TG: variants seen among roughly 807,000 people sequenced by gnomAD.
The protein encoded by TG is thyroglobulin.
Under a neutral mutation model 324.7 loss-of-function variants are expected in TG, and 270 were observed. The observed-to-expected ratio is 0.83, with a 90% CI of 0.75 to 0.92. TG has a LOEUF of 0.92. Ranked by LOEUF, TG falls within the 40% of genes least tolerant of loss-of-function variation. The pLI, the probability that TG is intolerant of heterozygous loss-of-function variation, is 0.00. For synonymous variants in TG, 1,401 were observed against 1,327.0 expected (o/e 1.06, Z -1.21); for missense variants, 3,591 against 3,456.4 (o/e 1.04, Z -0.98).
chr8:133,012,336 C>G (rs1237127221), intron 36 of TG, among the ~76,000 whole-genome samples: 1 of 152,186 alleles, frequency 6.6e-6, no homozygotes, highest in Non-Finnish European at 1.5e-5. Flanking sequence ...CGTGGCAGCT[C>G]TGGCAGCTGA....
At chr8:133,098,068 T>C (rs1488075331) in intron 43 of TG, among the ~76,000 whole-genome samples, 1 of 152,140 alleles carries the variant, frequency 6.6e-6, no homozygotes, top group Admixed American at 6.6e-5. Context: ...TTTCAACATT[T>C]TTTCTGCCAA....
At chr8:133,116,586 C>A in intron 44 of TG, 23 bp from the exon 45 acceptor site, 1 of 1,599,324 alleles carries the variant, frequency 6.3e-7, no homozygotes, top group Non-Finnish European at 8.6e-7. Context: ...AACCAGACTC[C>A]CCCCATGTTC....
chr8:132,999,228 G>A (rs1833201368), intron 35 of TG, among the ~76,000 whole-genome samples: 1 of 152,162 alleles, frequency 6.6e-6, no homozygotes, highest in Admixed American at 6.5e-5. Flanking sequence ...CCAAGATGGT[G>A]CAGAGAGGAC....
chr8:132,904,624 A>G (rs962154690), intron 16 of TG, among the ~76,000 whole-genome samples: 6 of 152,164 alleles, frequency 3.9e-5, no homozygotes, highest in African/African-American at 1.4e-4. Context: ...TAGGGAAGGT[A>G]GGTGCCCTGG....
At position 132,929,812 on chromosome 8, in the gene TG, A is replaced by G. The variant is rs550968553; in HGVS notation, c.4816+620A>G. Reference sequence around the variant, plus strand: ...ATCCATGTAACTCAAAACCACTTGCATCCTAAAAGCTATTGAAATAAAAAA... The same window carrying G: ...ATCCATGTAACTCAAAACCACTTGCGTCCTAAAAGCTATTGAAATAAAAAA... On this transcript the variant is annotated intron_variant, in intron 23 of 47. Coordinates refer to ENST00000220616, the MANE Select transcript of TG (RefSeq NM_003235.5). 1.2e-4 allele frequency among the ~76,000 whole-genome samples: 19 copies of G among 152,348 alleles called. No individual in the cohort carries two copies. In the Middle Eastern group the frequency reaches 0.01, roughly 82 times the overall value.
At position 133,040,067 on chromosome 8, in the gene TG, G is replaced by A. The variant is rs765056069; in HGVS notation, c.7239+10044G>A. On this transcript the variant is annotated intron_variant, in intron 41 of 47. Transcript: ENST00000220616. ...AGGTGAGCTGGAGGCCCTCACTGCT[G>A]GGGCAGCCGTGCTTTGTGTCAGGCA... The A allele has an allele frequency of 2.4e-5, 37 of 1,556,246 alleles. 1 individual carries two copies. In the South Asian group the frequency reaches 4.0e-4, roughly 17 times the overall value.
At chr8:133,047,764 A>T in intron 41 of TG, 1 of 889,060 alleles carries the variant, frequency 1.1e-6, no homozygotes, top group Non-Finnish European at 1.9e-6. Flanking sequence ...CCGTGTAATG[A>T]GTCAGCCAGG....
chr8:132,956,945 GT>G (rs2130254368), intron 27 of TG, among the ~76,000 whole-genome samples: 1 of 152,266 alleles, frequency 6.6e-6, no homozygotes, highest in Non-Finnish European at 1.5e-5. Flanking sequence ...TGGAGAAGGA[GT>G]CAAGGACGAC....
chr8:133,062,739 G>A (rs895036632), intron 41 of TG, among the ~76,000 whole-genome samples: 9 of 152,104 alleles, frequency 5.9e-5, no homozygotes, highest in South Asian at 2.1e-4. Flanking sequence ...GGAAGCATGG[G>A]TGTGACATGC....
At chr8:133,120,531 C>T (rs72729573) in intron 45 of TG, among the ~76,000 whole-genome samples, 97 of 152,308 alleles carry the variant, frequency 6.4e-4, no homozygotes, top group Non-Finnish European at 1.2e-3. Context: ...GGGAAGGATG[C>T]GTTCCGGCCT....
chr8:133,097,764 G>GTA lies in TG; in HGVS notation c.7572+1400_7572+1401dup, dbSNP rs1259475799. Among the ~76,000 whole-genome samples, 24 of 152,210 alleles carry GTA rather than the reference G, an allele frequency of 1.6e-4. 1 individual carries two copies. The highest frequency in any genetic ancestry group is 1.2e-3 in the South Asian group (6 of 4,820). Reference sequence around the variant, plus strand: ...AATATTATGCATTATTACTATTGCTGTATATATATACACACATGCATAATG... The same window carrying GTA: ...AATATTATGCATTATTACTATTGCTGTATATATATATACACACATGCATAATG... On this transcript the variant is annotated intron_variant, in intron 43 of 47. Coordinates refer to ENST00000220616, the MANE Select transcript of TG (RefSeq NM_003235.5).
intron 41 of TG, chr8:133,050,781 T>C (rs1840252327): frequency 7.5e-7 from 1 of 1,339,594 alleles, no homozygotes; most frequent in East Asian, 2.3e-5. Context: ...TTATCCTGCT[T>C]TGAAGATTGC....
chr8:132,994,258 G>A (rs1832660684), intron 35 of TG, among the ~76,000 whole-genome samples: 1 of 152,164 alleles, frequency 6.6e-6, no homozygotes, highest in Admixed American at 6.5e-5. Flanking sequence ...GGAGCCTCTT[G>A]AGCCAAATGG....
At chr8:132,896,702 A>G (rs1817158497) in intron 11 of TG, among the ~76,000 whole-genome samples, 1 of 152,132 alleles carries the variant, frequency 6.6e-6, no homozygotes, top group East Asian at 1.9e-4. Context: ...CCCCTCATGC[A>G]TTCATTCACG....
At chr8:133,036,858 G>A (rs1837201427) in intron 41 of TG, 2 of 152,524 alleles carry the variant, frequency 1.3e-5, no homozygotes, top group Admixed American at 1.3e-4. Flanking sequence ...TCGTCACAAC[G>A]GAAAACAACA....
intron 41 of TG, among the ~76,000 whole-genome samples, chr8:133,070,676 C>T (rs776212868): frequency 6.6e-6 from 1 of 152,178 alleles, no homozygotes; most frequent in Non-Finnish European, 1.5e-5. Context: ...CTCCTAATTC[C>T]TTCAGTAATA....
chr8:132,896,394 C>T (rs2132249620), intron 11 of TG, among the ~76,000 whole-genome samples: 1 of 152,338 alleles, frequency 6.6e-6, no homozygotes, highest in Non-Finnish European at 1.5e-5. Flanking sequence ...TCTGCAAGCT[C>T]TCTCGTCTGG....
At chr8:133,068,326 C>A (rs1843409982) in intron 41 of TG, among the ~76,000 whole-genome samples, 1 of 152,164 alleles carries the variant, frequency 6.6e-6, no homozygotes, top group Admixed American at 6.5e-5. Flanking sequence ...CCCTTGAGTG[C>A]CCAGGAGGGG....
chr8:132,993,766 A>T (rs2130784295), intron 35 of TG, among the ~76,000 whole-genome samples: 1 of 152,362 alleles, frequency 6.6e-6, no homozygotes, highest in South Asian at 2.1e-4. Flanking sequence ...CTCCCTATAC[A>T]GTACCAGTTT....
Sources: allele counts gnomAD v4.1 joint callset (sites outside exome capture counted in the v4.1 genomes callset), GRCh38; gene constraint gnomAD v4.1.1; transcripts MANE v1.5; gene names NCBI Gene and HGNC (gene_info 2026-07-23, HGNC 2026-07-21).